Variants in CCSER1 observed in about 807,000 individuals in gnomAD.
CCSER1 encodes coiled-coil serine rich protein 1.
CCSER1 carries 41 observed loss-of-function variants against 82.0 expected under a neutral mutation model. The observed-to-expected ratio is 0.50, with a 90% CI of 0.39 to 0.65. The LOEUF (loss-of-function observed/expected upper bound fraction) is 0.65, where lower values mean the gene tolerates loss of function less well. Ranked by LOEUF, CCSER1 falls within the 30% of genes least tolerant of loss-of-function variation. CCSER1 has a pLI of 0.00. For missense variants in CCSER1, 1,119 were observed against 1,064.2 expected, an observed-to-expected ratio of 1.05 and a Z score of -0.72; for synonymous variants, 414 against 383.9, an observed-to-expected ratio of 1.08 and a Z score of -0.92.
chr4:91,480,132 C>T (rs1455373786), intron 10 of CCSER1, among the ~76,000 whole-genome samples: 10 of 151,020 alleles, frequency 6.6e-5, no homozygotes, highest in Non-Finnish European at 1.3e-4. Flanking sequence ...TTTCTTAATC[C>T]AGTCTATCAT....
At chr4:90,908,245 G>T (rs1161026847) in intron 8 of CCSER1, among the ~76,000 whole-genome samples, 1 of 152,060 alleles carries the variant, frequency 6.6e-6, no homozygotes, top group African/African-American at 2.4e-5. Context: ...ATATCTGTAA[G>T]GCAGTGGCAC....
At chr4:91,247,847 G>C (rs1739920322) in intron 10 of CCSER1, among the ~76,000 whole-genome samples, 1 of 152,020 alleles carries the variant, frequency 6.6e-6, no homozygotes, top group South Asian at 2.1e-4. Flanking sequence ...CAGCCTAGGC[G>C]ACAGAGTGAG....
intron 1 of CCSER1, among the ~76,000 whole-genome samples, chr4:90,163,079 C>T (rs1183324959): frequency 6.6e-6 from 1 of 152,008 alleles, no homozygotes; most frequent in Non-Finnish European, 1.5e-5. Context: ...TAATTATTTT[C>T]AACTTTTTTG....
At position 91,077,450 on chromosome 4, in the gene CCSER1, A is replaced by T. The variant is rs1303004270; in HGVS notation, c.2173-8500A>T. Among the ~76,000 whole-genome samples the T allele has an allele frequency of 2.6e-5, 4 of 152,378 alleles. No homozygotes were observed. In the East Asian group the frequency reaches 5.8e-4, roughly 22 times the overall value. On this transcript the variant is annotated intron_variant, in intron 9 of 10. Transcript: ENST00000509176. ...GAAAAAATAGTAAAATGTGACTCAG[A>T]TCAGGAGAAAATTCAGTCAATAGAA...
chr4:90,941,416 G>T (rs1410277460), intron 9 of CCSER1, among the ~76,000 whole-genome samples: 2 of 151,842 alleles, frequency 1.3e-5, no homozygotes, highest in Non-Finnish European at 1.5e-5. Context: ...TGATTTTATT[G>T]TGACACACAT....
chr4:91,494,955 A>G (rs1376581060), intron 10 of CCSER1, among the ~76,000 whole-genome samples: 3 of 151,684 alleles, frequency 2.0e-5, no homozygotes, highest in Non-Finnish European at 3.0e-5. Flanking sequence ...AAAGTGTTTG[A>G]GGCTCAAATA....
intron 6 of CCSER1, among the ~76,000 whole-genome samples, chr4:90,662,004 T>C (rs200711724): frequency 3.3e-5 from 5 of 149,292 alleles, no homozygotes; most frequent in South Asian, 4.2e-4. Context: ...TTCTTTCTTT[T>C]TTTTTTTTTT....
chr4:91,331,299 T>C (rs1392848764), intron 10 of CCSER1, among the ~76,000 whole-genome samples: 1 of 152,158 alleles, frequency 6.6e-6, no homozygotes, highest in Non-Finnish European at 1.5e-5. Context: ...ATGGACACTT[T>C]AGTTTTCTTT....
At chr4:90,810,832 C>CCTTT (rs1758173907) in intron 7 of CCSER1, among the ~76,000 whole-genome samples, 1 of 113,606 alleles carries the variant, frequency 8.8e-6, no homozygotes, top group Non-Finnish European at 1.7e-5. Context: ...AAGAGTAATT[C>CCTTT]TTTTTTTTTT....
chr4:91,301,174 A>G (rs1026032199), intron 10 of CCSER1, among the ~76,000 whole-genome samples: 3 of 151,916 alleles, frequency 2.0e-5, no homozygotes, highest in Admixed American at 2.0e-4. Flanking sequence ...TATGCAGAGT[A>G]TGGGAGAAGG....
chr4:90,875,835 T>C (rs1405528141), intron 8 of CCSER1, among the ~76,000 whole-genome samples: 1 of 152,152 alleles, frequency 6.6e-6, no homozygotes, highest in East Asian at 1.9e-4. Flanking sequence ...TCTTTGAGAA[T>C]ATTAAAAAGC....
At chr4:91,445,427 T>C (rs1223299099) in intron 10 of CCSER1, among the ~76,000 whole-genome samples, 1 of 151,394 alleles carries the variant, frequency 6.6e-6, no homozygotes, top group Non-Finnish European at 1.5e-5. Flanking sequence ...CATCTTTTCC[T>C]CTCTCTCTGC....
chr4:91,081,133 C>G (rs1445895523), intron 9 of CCSER1, among the ~76,000 whole-genome samples: 3 of 152,124 alleles, frequency 2.0e-5, no homozygotes, highest in Non-Finnish European at 2.9e-5. Context: ...CAATATCCCT[C>G]ATGAACATCG....
intron 9 of CCSER1, among the ~76,000 whole-genome samples, chr4:90,953,133 T>C (rs1197111238): frequency 2.6e-5 from 4 of 152,036 alleles, no homozygotes. Context: ...CCATGTGTTA[T>C]GTTCATATGC....
intron 5 of CCSER1, among the ~76,000 whole-genome samples, chr4:90,472,180 G>C (rs746166981): frequency 5.3e-5 from 8 of 152,060 alleles, no homozygotes; most frequent in Non-Finnish European, 1.0e-4. Flanking sequence ...GATTCATAGA[G>C]TCATCTGATT....
chr4:90,342,392 G>T (rs1308966982), intron 3 of CCSER1, among the ~76,000 whole-genome samples: 1 of 152,058 alleles, frequency 6.6e-6, no homozygotes, highest in Non-Finnish European at 1.5e-5. Flanking sequence ...TCACTGTTAA[G>T]TCTTCAGACA....
chr4:91,478,048 T>A (rs1267429476), intron 10 of CCSER1, among the ~76,000 whole-genome samples: 3 of 151,866 alleles, frequency 2.0e-5, no homozygotes, highest in Non-Finnish European at 4.4e-5. Context: ...ACCCAAATCA[T>A]ATTTATTGGT....
intron 3 of CCSER1, among the ~76,000 whole-genome samples, chr4:90,345,317 G>A (rs752879604): frequency 5.6e-4 from 85 of 152,184 alleles, no homozygotes; most frequent in South Asian, 4.1e-4. Context: ...AGGGTACTAT[G>A]TGTGTTTTTG....
intron 10 of CCSER1, among the ~76,000 whole-genome samples, chr4:91,532,820 A>T (rs1294514898): frequency 6.6e-6 from 1 of 151,940 alleles, no homozygotes; most frequent in Non-Finnish European, 1.5e-5. Context: ...CAGTGAGCCA[A>T]GATCACACCA....
Sources: gnomAD v4.1 joint callset for allele counts (sites outside exome capture counted in the v4.1 genomes callset) on GRCh38, gnomAD v4.1.1 for gene constraint, MANE v1.5 for transcripts, NCBI Gene and HGNC (gene_info 2026-07-23, HGNC 2026-07-21) for gene names.